Variants in DTNB observed in about 807,000 individuals in gnomAD.
DTNB encodes dystrobrevin beta.
DTNB carries 63 observed loss-of-function variants against 90.7 expected under a neutral mutation model. The observed-to-expected ratio is 0.69, with a 90% confidence interval of 0.57 to 0.86. DTNB has a LOEUF of 0.86. Among genes scored for constraint, DTNB ranks in the 40% least tolerant of loss-of-function variants. DTNB has a pLI of 0.00. For missense variants in DTNB, 744 were observed against 807.1 expected (o/e 0.92, Z 0.95); for synonymous variants, 277 against 286.7 (o/e 0.97, Z 0.34).
intron 8 of DTNB, among the ~76,000 whole-genome samples, chr2:25,549,506 C>T (rs1188856685): frequency 3.3e-5 from 5 of 152,096 alleles, no homozygotes; most frequent in African/African-American, 1.2e-4. Flanking sequence ...AATTCTTTGG[C>T]ATGTTTTTAT....
chr2:25,540,733 T>C (rs930852073), intron 8 of DTNB, among the ~76,000 whole-genome samples: 1 of 152,200 alleles, frequency 6.6e-6, no homozygotes, highest in African/African-American at 2.4e-5. Flanking sequence ...TGTTGATCTA[T>C]GACCTTACCC....
chr2:25,664,475 A>T (rs1228394796), intron 1 of DTNB, among the ~76,000 whole-genome samples: 1 of 152,254 alleles, frequency 6.6e-6, no homozygotes, highest in Non-Finnish European at 1.5e-5. Context: ...CAATATAAGC[A>T]GGTAAATAAG....
rs11395783 is a variant in DTNB at position 25,408,538 on chromosome 2, C to CAAAAAAAAAA, written c.1575+10967_1575+10976dup. Among the ~76,000 whole-genome samples the CAAAAAAAAAA allele has an allele frequency of 9.2e-5, 3 of 32,734 alleles. 1 individual carries two copies. The highest frequency in any genetic ancestry group is 2.8e-4 in the African/African-American group (3 of 10,624). 21.5% of individuals were successfully genotyped at this position (32,734 alleles called of 152,430 possible). ...TGGACACCAGAGTGAGACTCCATCT[C>CAAAAAAAAAA]AAAAAAAAAAAAAAAAAAAAAAAAA... is the stretch of plus-strand genomic sequence containing the variant. On this transcript the variant is annotated intron_variant, in intron 16 of 20. Transcript: ENST00000406818.
intron 4 of DTNB, among the ~76,000 whole-genome samples, chr2:25,620,137 G>A (rs1471863274): frequency 6.6e-6 from 1 of 152,170 alleles, no homozygotes; most frequent in Non-Finnish European, 1.5e-5. Flanking sequence ...ACAGATGTGG[G>A]AGCTGAGGGG....
chr2:25,639,550 C>G (rs1008553029), intron 2 of DTNB, among the ~76,000 whole-genome samples: 1 of 150,930 alleles, frequency 6.6e-6, no homozygotes, highest in Non-Finnish European at 1.5e-5. Flanking sequence ...AATGAGGGAA[C>G]GGACCGGTTG....
At chr2:25,485,698 G>GTC (rs2065967350) in intron 9 of DTNB, among the ~76,000 whole-genome samples, 1 of 152,040 alleles carries the variant, frequency 6.6e-6, no homozygotes, top group African/African-American at 2.4e-5. Context: ...CTTAAAGGAG[G>GTC]TCTTTACTAC....
intron 9 of DTNB, among the ~76,000 whole-genome samples, chr2:25,525,238 T>C (rs1196289349): frequency 6.6e-6 from 1 of 152,200 alleles, no homozygotes; most frequent in African/African-American, 2.4e-5. Flanking sequence ...TATAAAATCA[T>C]GAATACCAAA....
At chr2:25,663,031 T>G (rs1341542367) in intron 1 of DTNB, among the ~76,000 whole-genome samples, 1 of 152,118 alleles carries the variant, frequency 6.6e-6, no homozygotes, top group African/African-American at 2.4e-5. Flanking sequence ...CTGCATGCAT[T>G]AGGTATTTGT....
At chr2:25,534,786 C>T (rs911378523) in intron 8 of DTNB, among the ~76,000 whole-genome samples, 10 of 142,972 alleles carry the variant, frequency 7.0e-5, no homozygotes, top group Non-Finnish European at 9.2e-5. Context: ...ACAGGGTGGC[C>T]GGGCAGAGGT....
At chr2:25,630,844 CAAAAAAAAAA>C (rs1169600129) in intron 3 of DTNB, among the ~76,000 whole-genome samples, 5 of 62,920 alleles carry the variant, frequency 7.9e-5, no homozygotes, top group African/African-American at 2.6e-4. Context: ...AACTCCGTCC[CAAAAAAAAAA>C]AAAAAAAAAA....
intron 12 of DTNB, among the ~76,000 whole-genome samples, chr2:25,448,426 C>T (rs993146944): frequency 1.3e-5 from 2 of 152,212 alleles, no homozygotes; most frequent in African/African-American, 4.8e-5. Flanking sequence ...AAAGAGAAAA[C>T]ATTTTATTAT....
At chr2:25,394,447 TAACA>T (rs1416737210) in intron 16 of DTNB, among the ~76,000 whole-genome samples, 2 of 151,994 alleles carry the variant, frequency 1.3e-5, no homozygotes, top group African/African-American at 4.8e-5. Context: ...TCAGCAAAGT[TAACA>T]AACAACCCAC....
intron 8 of DTNB, chr2:25,558,314 T>G (rs2057708918): frequency 1.0e-6 from 1 of 985,300 alleles, no homozygotes; most frequent in South Asian, 4.7e-5. Context: ...CAGAAACAGA[T>G]AAGCAATTCA....
In DTNB at chr2:25,653,515, CTT is replaced by C. The variant is rs1179518465; in HGVS notation, c.-1-856_-1-855del. On this transcript the variant is annotated intron_variant, in intron 1 of 20. Transcript: ENST00000406818. ...TCTTTCTTTCTTTCTTTCTTTCTTT[CTT>C]TTTTTTTTTTTTTTTTGACAGTCTC... 5.5e-3 allele frequency among the ~76,000 whole-genome samples: 340 copies of C among 62,230 alleles called. 3 individuals are homozygous for C. The highest frequency in any genetic ancestry group is 0.029 in the African/African-American group (327 of 11,138). 40.8% of individuals were successfully genotyped at this position (62,230 alleles called of 152,430 possible).
chr2:25,667,000 G>A (rs1203568093), intron 1 of DTNB, among the ~76,000 whole-genome samples: 2 of 152,060 alleles, frequency 1.3e-5, no homozygotes, highest in East Asian at 3.9e-4. Context: ...TGAGAGGATC[G>A]AAAATAGCCC....
At chr2:25,391,500 T>C (rs2041116063) in intron 16 of DTNB, among the ~76,000 whole-genome samples, 1 of 152,194 alleles carries the variant, frequency 6.6e-6, no homozygotes, top group Non-Finnish European at 1.5e-5. Flanking sequence ...CATGGAAAGA[T>C]GCTCAGCATT....
intron 8 of DTNB, among the ~76,000 whole-genome samples, chr2:25,547,468 C>T (rs746849823): frequency 1.3e-4 from 20 of 152,148 alleles, no homozygotes; most frequent in African/African-American, 4.3e-4. Flanking sequence ...GGATTACAGG[C>T]ACCCACCACC....
intron 8 of DTNB, among the ~76,000 whole-genome samples, chr2:25,534,083 G>C (rs917932215): frequency 2.0e-5 from 3 of 151,940 alleles, no homozygotes; most frequent in Non-Finnish European, 4.4e-5. Flanking sequence ...TAATAGTGGA[G>C]AGGTCAGCAG....
chr2:25,411,354 C>T lies in DTNB; in HGVS notation c.1575+8161G>A, dbSNP rs192876747. Among the ~76,000 whole-genome samples the T allele has an allele frequency of 4.7e-4, 71 of 149,752 alleles. No homozygotes were observed. In the South Asian group the frequency reaches 0.013, roughly 27 times the overall value. On this transcript the variant is annotated intron_variant, in intron 16 of 20. Transcript: ENST00000406818. ...AGACTAGGCAAGAAGAGTGAAACTC[C>T]GTTTCAAAAAAAAAAAAGAAAAGAA...
Sources: allele counts gnomAD v4.1 joint callset (sites outside exome capture counted in the v4.1 genomes callset), GRCh38; gene constraint gnomAD v4.1.1; transcripts MANE v1.5; gene names NCBI Gene and HGNC (gene_info 2026-07-23, HGNC 2026-07-21).